SUCLG2: variants seen among roughly 807,000 people sequenced by gnomAD.
SUCLG2 encodes succinate--CoA ligase [GDP-forming] subunit beta, mitochondrial.
Under a neutral mutation model 47.9 loss-of-function variants are expected in SUCLG2, and 42 were observed. The observed-to-expected ratio is 0.88, with a 90% confidence interval of 0.69 to 1.14. The LOEUF is 1.14. Among genes scored for constraint, SUCLG2 ranks in the 50% most tolerant of loss-of-function variants. The probability of loss-of-function intolerance (pLI) is 0.00; values close to 1 mark genes in which losing one functional copy is unlikely to be tolerated. For missense variants in SUCLG2, 571 were observed against 525.9 expected (o/e 1.09, Z -0.84); for synonymous variants, 195 against 197.3 (o/e 0.99, Z 0.10).
At chr3:67,505,077 T>C (rs1705599637) in intron 7 of SUCLG2, among the ~76,000 whole-genome samples, 1 of 152,230 alleles carries the variant, frequency 6.6e-6, no homozygotes, top group Non-Finnish European at 1.5e-5. Context: ...CTATACCATA[T>C]GATTCTTGCT....
At chr3:67,487,570 A>T (rs2107034780) in intron 9 of SUCLG2, among the ~76,000 whole-genome samples, 1 of 145,116 alleles carries the variant, frequency 6.9e-6, no homozygotes, top group East Asian at 1.9e-4. Context: ...TTATGTAATA[A>T]TGGAAAACTA....
In SUCLG2 at chr3:67,538,033, G is replaced by A. The variant is rs561693329; in HGVS notation, c.227-8847C>T. Among the ~76,000 whole-genome samples, 10 of 152,138 alleles carry A rather than the reference G, an allele frequency of 6.6e-5. No homozygotes were observed. In the South Asian group the frequency reaches 8.3e-4, roughly 13 times the overall value. On this transcript the variant is annotated intron_variant, in intron 2 of 10. Coordinates refer to ENST00000307227, the MANE Select transcript of SUCLG2 (RefSeq NM_003848.4). ...CACTCTGTAGGCTGCCTGTTCACTC[G>A]GATGGTAGTTTCTTTTGCTGTACAG...
At chr3:67,544,932 A>G (rs1706824060) in intron 2 of SUCLG2, among the ~76,000 whole-genome samples, 1 of 152,228 alleles carries the variant, frequency 6.6e-6, no homozygotes, top group African/African-American at 2.4e-5. Context: ...AATAGAAAAT[A>G]CATTGATCAT....
chr3:67,446,555 G>A (rs1422742380), intron 9 of SUCLG2, among the ~76,000 whole-genome samples: 2 of 147,892 alleles, frequency 1.4e-5, no homozygotes, highest in East Asian at 2.0e-4. Context: ...TCACCCTCCC[G>A]AGTAGCTGGG....
intron 1 of SUCLG2, among the ~76,000 whole-genome samples, chr3:67,644,135 TTCTACTCAGGTGA>T (rs1197770085): frequency 1.1e-4 from 16 of 152,190 alleles, no homozygotes; most frequent in African/African-American, 3.4e-4. Context: ...GATACAACAT[TTCTACTCAGGTGA>T]ATGTTAACAT....
chr3:67,534,068 T>C (rs1463599608), intron 2 of SUCLG2, among the ~76,000 whole-genome samples: 1 of 152,142 alleles, frequency 6.6e-6, no homozygotes, highest in Non-Finnish European at 1.5e-5. Flanking sequence ...AAACAGCCAC[T>C]TTCAAGTATA....
rs539274645 is a variant in SUCLG2 at position 67,639,841 on chromosome 3, A to G, written c.84+14662T>C. Among the ~76,000 whole-genome samples the G allele has an allele frequency of 7.6e-4, 116 of 152,320 alleles. No homozygotes were observed. The South Asian group carries it at 0.016, about 21-fold the overall frequency. On this transcript the variant is annotated intron_variant, in intron 1 of 10. Transcript: ENST00000307227. ...TTCTCAGGATGTGTGACCAGGGAAC[A>G]ATAAGAAAAGTCTTGGGGTTACTAT...
intron 7 of SUCLG2, among the ~76,000 whole-genome samples, chr3:67,507,249 A>G (rs1427624094): frequency 4.6e-5 from 7 of 152,192 alleles, no homozygotes; most frequent in Non-Finnish European, 1.5e-5. Flanking sequence ...ATAAATGAGC[A>G]AGCACAGATT....
chr3:67,629,076 G>A (rs544559058), intron 1 of SUCLG2, among the ~76,000 whole-genome samples: 24 of 152,318 alleles, frequency 1.6e-4, no homozygotes, highest in African/African-American at 5.8e-4. Context: ...ACGCTTTGGT[G>A]TAAGAACGTT....
chr3:67,568,284 C>T (rs1707517926), intron 2 of SUCLG2, among the ~76,000 whole-genome samples: 1 of 152,108 alleles, frequency 6.6e-6, no homozygotes, highest in African/African-American at 2.4e-5. Context: ...TGGAGACACC[C>T]AGCTGGCTAC....
intron 9 of SUCLG2, among the ~76,000 whole-genome samples, chr3:67,455,831 C>T (rs1042164765): frequency 3.4e-4 from 51 of 152,134 alleles, no homozygotes; most frequent in African/African-American, 1.1e-3. Context: ...GTTTCAATCC[C>T]GGCAAGAACA....
chr3:67,644,673 T>C (rs905973470), intron 1 of SUCLG2, among the ~76,000 whole-genome samples: 10 of 151,758 alleles, frequency 6.6e-5, no homozygotes, highest in Non-Finnish European at 1.2e-4. Context: ...CATGTATATT[T>C]TACTACAATA....
At chr3:67,446,464 T>A (rs79407789) in intron 9 of SUCLG2, among the ~76,000 whole-genome samples, 2 of 126,400 alleles carry the variant, frequency 1.6e-5, no homozygotes, top group African/African-American at 3.0e-5. Flanking sequence ...AGAGTCTCGC[T>A]CTGTCACTCA....
intron 2 of SUCLG2, among the ~76,000 whole-genome samples, chr3:67,590,912 AG>A (rs1444527929): frequency 3.3e-5 from 5 of 152,158 alleles, no homozygotes; most frequent in Non-Finnish European, 5.9e-5. Flanking sequence ...ATTAAGAGAG[AG>A]AGAGTTCTTT....
intron 2 of SUCLG2, among the ~76,000 whole-genome samples, chr3:67,535,692 G>A (rs934100360): frequency 6.6e-6 from 1 of 152,190 alleles, no homozygotes; most frequent in Non-Finnish European, 1.5e-5. Flanking sequence ...GGGTCCATAT[G>A]GCTCAGCAGG....
At chr3:67,513,841 C>T (rs1705863021) in intron 6 of SUCLG2, 1 of 152,384 alleles carries the variant, frequency 6.6e-6, no homozygotes, top group Admixed American at 6.5e-5. Context: ...ACATGAAAAT[C>T]TGACAAGTTT....
chr3:67,614,714 A>G (rs1700593149), intron 1 of SUCLG2, among the ~76,000 whole-genome samples: 1 of 152,052 alleles, frequency 6.6e-6, no homozygotes, highest in East Asian at 1.9e-4. Flanking sequence ...AGTTAGTCAC[A>G]TGTTTCAAAT....
intron 2 of SUCLG2, among the ~76,000 whole-genome samples, chr3:67,547,826 G>A (rs1192360980): frequency 1.3e-5 from 2 of 152,036 alleles, no homozygotes; most frequent in Non-Finnish European, 2.9e-5. Context: ...GCTACAGCAA[G>A]GGGGATCCAT....
At chr3:67,436,460 T>C (rs1703625319) in intron 9 of SUCLG2, among the ~76,000 whole-genome samples, 1 of 152,100 alleles carries the variant, frequency 6.6e-6, no homozygotes, top group African/African-American at 2.4e-5. Flanking sequence ...AGAGGGCAAA[T>C]CTTCATTGAA....
Sources: gnomAD v4.1 joint callset for allele counts (sites outside exome capture counted in the v4.1 genomes callset) on GRCh38, gnomAD v4.1.1 for gene constraint, MANE v1.5 for transcripts, NCBI Gene and HGNC (gene_info 2026-07-23, HGNC 2026-07-21) for gene names.